KRT76: variants seen among roughly 807,000 people sequenced by gnomAD.
KRT76 encodes the protein keratin 76.
KRT76 carries 47 observed loss-of-function variants against 44.9 expected under a neutral mutation model. That is an observed-to-expected ratio of 1.05 (90% CI 0.83 to 1.33). The LOEUF (loss-of-function observed/expected upper bound fraction) is 1.33, where lower values mean the gene tolerates loss of function less well. Among genes scored for constraint, KRT76 ranks in the 40% most tolerant of loss-of-function variants. The pLI is 0.00. For synonymous variants in KRT76, 331 were observed against 294.1 expected (o/e 1.13, Z -1.28); for missense variants, 860 against 775.8 (o/e 1.11, Z -1.29).
At position 52,771,945 on chromosome 12, in the gene KRT76, T is replaced by C; in HGVS notation, c.1189A>G (p.Thr397Ala). ...AGRHGDDLRN[T>A]KSEIMELNRM... is the part of the protein sequence containing the mutation. Reference sequence around the variant, plus strand: ...TTGAGCTCCATGATCTCACTCTTGGTGTTCCTCAGGTCATCCCCATGCCTG... The same window carrying C: ...TTGAGCTCCATGATCTCACTCTTGGCGTTCCTCAGGTCATCCCCATGCCTG... Residue 397 changes from threonine to alanine, a missense_variant, in exon 6 of 9, where the codon ACC becomes GCC. By Grantham distance (58) the Thr-to-Ala change is moderately conservative (BLOSUM62 0). Transcript: ENST00000332411. The C allele has an allele frequency of 6.2e-7, 1 of 1,614,184 alleles. No individual in the cohort carries two copies. Among genetic ancestry groups the C allele is most frequent in the Non-Finnish European group, 8.5e-7 (1 of 1,180,024 alleles).
Position 52,772,167 on chromosome 12 carries a change from G to A in KRT76, c.1064C>T (p.Ala355Val), listed in dbSNP as rs1592293880. The A allele has an allele frequency of 6.2e-7, 1 of 1,613,818 alleles. No individual in the cohort carries two copies. Among genetic ancestry groups the A allele is most frequent in the Non-Finnish European group, 8.5e-7 (1 of 1,179,796 alleles). Residue 355 changes from alanine to valine, a missense_variant, in exon 5 of 9, where the codon GCC (alanine) becomes GTC (valine). Coordinates refer to ENST00000332411, the MANE Select transcript of KRT76 (RefSeq NM_015848.4). The part of the protein sequence containing the change: ...NRCLDLGSII[A>V]EVRAQYEEIA... ...CTCCTCATACTGGGCGCGGACCTCG[G>A]CAATGATGCTGCCCAGGTCCAGGCA...
intron 7 of KRT76, among the ~76,000 whole-genome samples, 183 bp from the exon 8 acceptor site, chr12:52,769,766 C>G (rs576379896): frequency 3.9e-5 from 6 of 152,308 alleles, no homozygotes; most frequent in Non-Finnish European, 7.3e-5. Context: ...GGGGCTGCTT[C>G]AAGAGTTGAG....
intron 4 of KRT76, among the ~76,000 whole-genome samples, 181 bp from the exon 5 acceptor site, chr12:52,772,439 C>T (rs1939201370): frequency 6.6e-6 from 1 of 152,166 alleles, no homozygotes; most frequent in African/African-American, 2.4e-5. Context: ...AGGAAATATG[C>T]AAAATATGCA....
chr12:52,774,695 T>C (rs1157532461), intron 2 of KRT76, among the ~76,000 whole-genome samples: 1 of 152,176 alleles, frequency 6.6e-6, no homozygotes, highest in African/African-American at 2.4e-5. Flanking sequence ...GCACAGAGCC[T>C]GCCACAGAGT....
In KRT76 at chr12:52,768,797, A is replaced by G; in HGVS notation, c.1833T>C (p.Ser611=). Reference sequence around the variant, plus strand: ...TGCCTCCACCACCAGACTTGTAGCCACTTCCTCCAGAAGTCTGGATGCTGC... The same window carrying G: ...TGCCTCCACCACCAGACTTGTAGCCGCTTCCTCCAGAAGTCTGGATGCTGC... ...SSGSIQTSGG[S]GYKSGGGGST... is the part of the protein sequence containing the mutation. Residue 611 remains serine (S), a synonymous_variant, in exon 9 of 9, where the codon AGT becomes AGC. Transcript: ENST00000332411. 1 of 1,613,810 alleles carries G rather than the reference A, an allele frequency of 6.2e-7. No individual in the cohort carries two copies. The highest frequency in any genetic ancestry group is 8.5e-7 in the Non-Finnish European group (1 of 1,179,808).
chr12:52,769,625 C>G (rs1425484086), intron 7 of KRT76, 42 bp from the exon 8 acceptor site: 3 of 1,581,460 alleles, frequency 1.9e-6, no homozygotes, highest in Non-Finnish European at 2.6e-6. Context: ...TGTTATGAGT[C>G]AATAACCAAA....
At position 52,776,964 on chromosome 12, in the gene KRT76, T is replaced by A; in HGVS notation, c.328A>T (p.Arg110Ter). 6.2e-7 allele frequency: 1 copy of A among 1,613,698 alleles called. No individual in the cohort carries two copies. ...CCTCCAAAACCACTACCTACTCCTC[T>A]GCCACCACCAAAGCCACCACCATAG... ...GSYGGGFGGG[R>*]GVGSGFGGAG... Residue 110 changes from arginine (R) to a stop codon, truncating the protein, a stop_gained, in exon 1 of 9, where the codon AGA (arginine) becomes TGA (stop). Coordinates refer to ENST00000332411, the MANE Select transcript of KRT76 (RefSeq NM_015848.4). LOFTEE classifies it high-confidence loss of function.
At chr12:52,769,521 G>T (rs754149163) in intron 8 of KRT76, 28 bp downstream of exon 8, 3 of 1,604,080 alleles carry the variant, frequency 1.9e-6, no homozygotes, top group Non-Finnish European at 2.6e-6. Context: ...ACAACCCAGG[G>T]AGAGGGTTTT....
intron 6 of KRT76, among the ~76,000 whole-genome samples, chr12:52,771,469 C>A (rs1939180774): frequency 1.3e-5 from 2 of 152,156 alleles, no homozygotes; most frequent in Non-Finnish European, 2.9e-5. Context: ...TAGTAGTGGT[C>A]TGGTTAGTCC....
At chr12:52,771,305 A>G in intron 6 of KRT76, 86 bp from the exon 7 acceptor site, 2 of 1,278,360 alleles carry the variant, frequency 1.6e-6, no homozygotes, top group Non-Finnish European at 2.2e-6. Context: ...CACATCCTGC[A>G]TCCCTTCCTC....
intron 2 of KRT76, 63 bp from the exon 3 acceptor site, chr12:52,773,705 G>T: frequency 2.1e-6 from 3 of 1,415,580 alleles, no homozygotes; most frequent in Non-Finnish European, 2.0e-6. Context: ...GAGAGGTGAG[G>T]ATTCCAGGCA....
At position 52,773,661 on chromosome 12, in the gene KRT76, C is replaced by A. The variant is rs765086573; in HGVS notation, c.816-19G>T. On this transcript the variant is annotated intron_variant, in intron 2 of 8. Coordinates refer to ENST00000332411, the MANE Select transcript of KRT76 (RefSeq NM_015848.4). ...TTCATACCTGGAACAAGAAGAGGCA[C>A]ACATTTGAACACTGGCATTTCAGAA... 5.0e-6 allele frequency: 8 copies of A among 1,599,806 alleles called. No homozygotes were observed. The East Asian group carries it at 1.8e-4, about 36-fold the overall frequency.
Position 52,775,440 on chromosome 12 carries a change from G to T in KRT76, c.763C>A (p.Leu255Met). 6.2e-7 allele frequency: 1 copy of T among 1,614,170 alleles called. No individual in the cohort carries two copies. Among genetic ancestry groups the T allele is most frequent in the Non-Finnish European group, 8.5e-7 (1 of 1,180,030 alleles). The change falls in exon 2 of 9, where the codon CTG becomes ATG. Residue 255 changes from leucine (L) to methionine (M), a missense_variant. Transcript: ENST00000332411. ...LDSLLGERGN[L>M]EGELKSMQDL... ...TGCATGCTTTTCAGCTCTCCCTCCAGGTTCCCCCTCTCCCCTAGAAGTGAA... is the reference window on the plus strand; with the variant it reads ...TGCATGCTTTTCAGCTCTCCCTCCATGTTCCCCCTCTCCCCTAGAAGTGAA...
Position 52,768,874 on chromosome 12 carries a change from C to A in KRT76, c.1756G>T (p.Gly586Cys). 6.2e-7 allele frequency: 1 copy of A among 1,613,684 alleles called. No homozygotes were observed. Among genetic ancestry groups the A allele is most frequent in the East Asian group, 2.2e-5 (1 of 44,854 alleles). ...CTCACGGAGATGCTACCTGCACCGC[C>A]GAGCCTGCTCCCACTACTGCTGCTC... ...YQSSSSGSRL[G>C]GAGSISVSHS... The change falls in exon 9 of 9, where the codon GGC (glycine) becomes TGC (cysteine). Residue 586 changes from glycine (G) to cysteine (C), a missense_variant. Physicochemically the swap from Gly to Cys is radical, Grantham distance 159. Coordinates refer to ENST00000332411, the MANE Select transcript of KRT76 (RefSeq NM_015848.4).
intron 7 of KRT76, 122 bp from the exon 8 acceptor site, chr12:52,769,705 G>A (rs778434579): frequency 9.7e-5 from 76 of 784,614 alleles, no homozygotes; most frequent in Middle Eastern, 2.4e-4. Context: ...GCTCCTGCAA[G>A]AAGAAAGCCT....
intron 2 of KRT76, 38 bp downstream of exon 2, chr12:52,775,350 T>A: frequency 6.3e-7 from 1 of 1,589,454 alleles, no homozygotes; most frequent in Non-Finnish European, 8.6e-7. Context: ...TCCCTGCTAA[T>A]TCCCCAGAAG....
chr12:52,768,857 G>A lies in KRT76; in HGVS notation c.1773C>T (p.Ile591=). 6.2e-7 allele frequency: 1 copy of A among 1,613,870 alleles called. No individual in the cohort carries two copies. Among genetic ancestry groups the A allele is most frequent in the Non-Finnish European group, 8.5e-7 (1 of 1,179,938 alleles). The change falls in exon 9 of 9, where the codon ATC becomes ATT. Residue 591 remains isoleucine (I), a synonymous_variant. Coordinates refer to ENST00000332411, the MANE Select transcript of KRT76 (RefSeq NM_015848.4). ...SGSRLGGAGS[I]SVSHSGMGSS... is the part of the protein sequence containing the mutation. ...AGCCCATTCCACTGTGGCTCACGGA[G>A]ATGCTACCTGCACCGCCGAGCCTGC...
At chr12:52,775,895 T>A (rs1241428021) in intron 1 of KRT76, among the ~76,000 whole-genome samples, 3 of 152,140 alleles carry the variant, frequency 2.0e-5, no homozygotes, top group African/African-American at 7.2e-5. Flanking sequence ...TCAAAGAGTT[T>A]AAGTTTCCCA....
At position 52,777,068 on chromosome 12, in the gene KRT76, C is replaced by T. The variant is rs1185491959; in HGVS notation, c.224G>A (p.Ser75Asn). 23 of 1,614,108 alleles carry T rather than the reference C, an allele frequency of 1.4e-5. No individual in the cohort carries two copies. Among genetic ancestry groups the T allele is most frequent in the Non-Finnish European group, 1.8e-5 (21 of 1,180,042 alleles). ...KSISISVAAGSSRAGGFGGGR... is the reference protein window; with the variant it reads ...KSISISVAAGNSRAGGFGGGR... ...TCCCCCAAAGCCTCCAGCCCGGGAG[C>T]TGCCAGCTGCCACGCTGATGGAGAT... Residue 75 changes from serine to asparagine, a missense_variant, in exon 1 of 9, where the codon AGC (serine) becomes AAC (asparagine). By Grantham distance (46) the Ser-to-Asn change is conservative (BLOSUM62 1). Transcript: ENST00000332411.
Sources: allele counts gnomAD v4.1 joint callset (sites outside exome capture counted in the v4.1 genomes callset), GRCh38; gene constraint gnomAD v4.1.1; transcripts MANE v1.5; gene names NCBI Gene and HGNC (gene_info 2026-07-23, HGNC 2026-07-21).